The following LRCH1 variants were observed in gnomAD, a reference collection of about 807,000 sequenced individuals.
LRCH1 encodes leucine rich repeats and calponin homology domain containing 1.
In LRCH1, 23 loss-of-function variants were observed where a neutral mutation model predicts 94.9. The ratio of observed to expected loss-of-function variants is 0.24; its 90% CI spans 0.17 to 0.34. The LOEUF (loss-of-function observed/expected upper bound fraction) is 0.34, where lower values mean the gene tolerates loss of function less well. Ranked by LOEUF, LRCH1 falls within the 10% of genes least tolerant of loss-of-function variation. The pLI, the probability that LRCH1 is intolerant of heterozygous loss-of-function variation, is 1.00. For missense variants in LRCH1, 790 were observed against 945.9 expected (o/e 0.84, Z 2.16); for synonymous variants, 364 against 354.9 (o/e 1.03, Z -0.29).
intron 1 of LRCH1, among the ~76,000 whole-genome samples, chr13:46,634,476 T>C (rs9534446): frequency 0.13 from 19,349 of 152,182 alleles, 1,862 homozygotes; most frequent in African/African-American, 0.25. Context: ...CCAGTCACAG[T>C]TCTCAAAGAG....
Position 46,685,906 on chromosome 13 carries a change from A to G in LRCH1, c.687A>G (p.Glu229=), listed in dbSNP as rs781516916. The change falls in exon 5 of 20, where the codon GAA becomes GAG. Residue 229 remains glutamate, a splice_region_variant and synonymous_variant. Transcript: ENST00000389797. The part of the protein sequence containing the change: ...RRNYLKVLPQ[E]LVDLSLVKFD... ...TTTTTCTTTTTTCTATTATTTTAGA[A>G]CTAGTAGATCTTTCCTTGGTAAAGT... 6.4e-6 allele frequency: 10 copies of G among 1,572,562 alleles called. No individual in the cohort carries two copies. The highest frequency in any genetic ancestry group is 8.6e-6 in the Non-Finnish European group (10 of 1,162,032).
At chr13:46,559,254 T>C (rs1016585079) in intron 1 of LRCH1, among the ~76,000 whole-genome samples, 3 of 152,270 alleles carry the variant, frequency 2.0e-5, no homozygotes, top group African/African-American at 7.2e-5. Context: ...TTTATAGTTA[T>C]ATCCAGTTTT....
At chr13:46,682,098 G>A (rs541244052) in intron 4 of LRCH1, among the ~76,000 whole-genome samples, 28 of 152,270 alleles carry the variant, frequency 1.8e-4, no homozygotes, top group African/African-American at 6.3e-4. Context: ...GGGGGTGGAC[G>A]TGGGTGTGTT....
At chr13:46,649,027 A>G (rs2051258823) in intron 1 of LRCH1, among the ~76,000 whole-genome samples, 2 of 152,208 alleles carry the variant, frequency 1.3e-5, no homozygotes, top group Non-Finnish European at 2.9e-5. Context: ...ACATGGATGA[A>G]GCTGGAAACC....
intron 7 of LRCH1, 129 bp downstream of exon 7, chr13:46,689,325 G>C: frequency 1.6e-6 from 1 of 626,892 alleles, no homozygotes. Context: ...AAAGTGATTT[G>C]TATATTCATG....
rs115363935 is a variant in LRCH1, at chr13:46,582,788, G to A, written c.307+29085G>A. On this transcript the variant is annotated intron_variant, in intron 1 of 19. Coordinates refer to ENST00000389797, the MANE Select transcript of LRCH1 (RefSeq NM_001164211.2). Reference sequence around the variant, plus strand: ...AGTGCTGGGATTATAGGTATTCGCCGCTGTGCCCAGCCACATATTGCTTTT... The same window carrying A: ...AGTGCTGGGATTATAGGTATTCGCCACTGTGCCCAGCCACATATTGCTTTT... Among the ~76,000 whole-genome samples, 511 of 150,412 alleles carry A rather than the reference G, an allele frequency of 3.4e-3. 1 individual carries two copies. The highest frequency in any genetic ancestry group is 0.012 in the African/African-American group (486 of 40,900).
chr13:46,743,984 GA>G lies in LRCH1; in HGVS notation c.*2137del. The G allele has an allele frequency of 1.0e-6, 1 of 985,350 alleles. No individual in the cohort carries two copies. The highest frequency in any genetic ancestry group is 1.1e-4 in the East Asian group (1 of 8,812). The allele number at this position is 985,350 out of a possible 1,614,324, so 61.0% of individuals were successfully genotyped here. On this transcript the variant is annotated 3_prime_UTR_variant, in exon 20 of 20. Coordinates refer to ENST00000389797, the MANE Select transcript of LRCH1 (RefSeq NM_001164211.2). ...GCGCTGCACTTCTTGGGATTTATTG[GA>G]TGATGTTTTTTCATTAGTAGTATGG... is the stretch of plus-strand genomic sequence containing the variant.
intron 13 of LRCH1, among the ~76,000 whole-genome samples, chr13:46,705,950 G>T (rs974376391): frequency 1.3e-5 from 2 of 152,208 alleles, no homozygotes; most frequent in Non-Finnish European, 2.9e-5. Context: ...ATTTGGGAAT[G>T]AAACATAGGC....
chr13:46,578,684 T>C (rs981260513), intron 1 of LRCH1, among the ~76,000 whole-genome samples: 1 of 152,196 alleles, frequency 6.6e-6, no homozygotes, highest in South Asian at 2.1e-4. Flanking sequence ...GCTTAGCAAC[T>C]GGGGCAGTCC....
intron 1 of LRCH1, among the ~76,000 whole-genome samples, chr13:46,588,023 G>A (rs938727743): frequency 2.0e-5 from 3 of 152,146 alleles, no homozygotes; most frequent in Non-Finnish European, 4.4e-5. Flanking sequence ...AGAAAAATCA[G>A]AGGAATGTGC....
intron 4 of LRCH1, among the ~76,000 whole-genome samples, chr13:46,684,858 G>A (rs1870525433): frequency 6.6e-6 from 1 of 152,162 alleles, no homozygotes; most frequent in African/African-American, 2.4e-5. Flanking sequence ...TCTGAGAGAG[G>A]TACTGGTTAC....
At chr13:46,626,311 A>G (rs895347407) in intron 1 of LRCH1, among the ~76,000 whole-genome samples, 5 of 152,168 alleles carry the variant, frequency 3.3e-5, no homozygotes, top group Non-Finnish European at 1.5e-5. Flanking sequence ...AAGCCATCAC[A>G]TCCCCTGTGA....
chr13:46,632,482 G>T (rs935015427), intron 1 of LRCH1, among the ~76,000 whole-genome samples: 4 of 152,100 alleles, frequency 2.6e-5, no homozygotes, highest in African/African-American at 9.7e-5. Context: ...GTCCACTTTA[G>T]CATGAGACTA....
At chr13:46,739,977 T>C (rs1873570074) in intron 19 of LRCH1, among the ~76,000 whole-genome samples, 1 of 152,230 alleles carries the variant, frequency 6.6e-6, no homozygotes, top group African/African-American at 2.4e-5. Flanking sequence ...TTCTGCGAAA[T>C]GTATTGAAAT....
chr13:46,719,477 A>C (rs9526225), intron 16 of LRCH1, among the ~76,000 whole-genome samples: 68,750 of 152,034 alleles, frequency 0.45, 17,566 homozygotes, highest in Middle Eastern at 0.57. Flanking sequence ...AGATAAAAGA[A>C]TTTTGTATGC....
Position 46,742,270 on chromosome 13 carries a change from C to T in LRCH1, c.*422C>T, listed in dbSNP as rs529928930. ...TCAGTATTGAACTAGAATTCTAATT[C>T]GGGACTGGGCAATTGAGCTGTATAG... On this transcript the variant is annotated 3_prime_UTR_variant, in exon 20 of 20. Transcript: ENST00000389797. 113 of 1,047,202 alleles carry T rather than the reference C, an allele frequency of 1.1e-4. No individual in the cohort carries two copies. In the African/African-American group the frequency reaches 1.4e-3, roughly 13 times the overall value. 64.9% of individuals were successfully genotyped at this position (1,047,202 alleles called of 1,614,324 possible).
intron 4 of LRCH1, among the ~76,000 whole-genome samples, chr13:46,682,991 T>C (rs1870423220): frequency 6.6e-6 from 1 of 152,272 alleles, no homozygotes; most frequent in African/African-American, 2.4e-5. Context: ...GAACCCTGAA[T>C]GCTTTCTCCA....
chr13:46,715,133 A>G (rs145618857), intron 15 of LRCH1, among the ~76,000 whole-genome samples: 1 of 152,166 alleles, frequency 6.6e-6, no homozygotes, highest in Admixed American at 6.5e-5. Flanking sequence ...GTTTTATTCT[A>G]TGTCACCAAT....
chr13:46,554,892 G>A lies in LRCH1; in HGVS notation c.307+1189G>A, dbSNP rs1391622822. On this transcript the variant is annotated intron_variant, in intron 1 of 19. Transcript: ENST00000389797. ...GGGTCAGACCCCCTGGGTCTTGGAT[G>A]GGTTGACTCTCATCACAGGAGCACC... Among the ~76,000 whole-genome samples the A allele has an allele frequency of 2.0e-5, 3 of 152,332 alleles. No homozygotes were observed. The East Asian group carries it at 5.8e-4, about 29-fold the overall frequency.
Sources: gnomAD v4.1 joint callset for allele counts (sites outside exome capture counted in the v4.1 genomes callset) on GRCh38, gnomAD v4.1.1 for gene constraint, MANE v1.5 for transcripts, NCBI Gene and HGNC (gene_info 2026-07-23, HGNC 2026-07-21) for gene names.